Variants in TANGO6 observed in about 807,000 individuals in gnomAD.
The protein encoded by TANGO6 is transport and Golgi organization protein 6 homolog.
TANGO6 carries 90 observed loss-of-function variants against 114.2 expected under a neutral mutation model. The ratio of observed to expected loss-of-function variants is 0.79; its 90% CI spans 0.66 to 0.94. TANGO6 has a LOEUF of 0.94. Ranked by LOEUF, TANGO6 falls within the 40% of genes least tolerant of loss-of-function variation. The pLI, the probability that TANGO6 is intolerant of heterozygous loss-of-function variation, is 0.00. For synonymous variants in TANGO6, 477 were observed against 509.8 expected, an observed-to-expected ratio of 0.94 and a Z score of 0.87; for missense variants, 1,274 against 1,315.3, an observed-to-expected ratio of 0.97 and a Z score of 0.49.
At chr16:69,066,455 C>T (rs1259520546) in intron 17 of TANGO6, among the ~76,000 whole-genome samples, 2 of 152,024 alleles carry the variant, frequency 1.3e-5, no homozygotes, top group South Asian at 2.1e-4. Context: ...CCACAATGCC[C>T]GGCTAGTTTT....
intron 17 of TANGO6, among the ~76,000 whole-genome samples, chr16:69,065,968 T>C (rs926645916): frequency 2.6e-5 from 4 of 152,194 alleles, no homozygotes; most frequent in Non-Finnish European, 5.9e-5. Flanking sequence ...CCCATTATCT[T>C]AGAGAGGCCA....
At chr16:68,923,108 C>T (rs1043821330) in intron 12 of TANGO6, among the ~76,000 whole-genome samples, 1 of 150,816 alleles carries the variant, frequency 6.6e-6, no homozygotes, top group East Asian at 1.9e-4. Context: ...CCACCACGCC[C>T]GGCTCATTTT....
chr16:68,849,971 CTTTTTTTTTTTT>C (rs560571416), intron 1 of TANGO6, among the ~76,000 whole-genome samples: 1 of 114,862 alleles, frequency 8.7e-6, no homozygotes, highest in African/African-American at 3.4e-5. Flanking sequence ...TCTAGCGGTT[CTTTTTTTTTTTT>C]TTTTTTTTGA....
intron 15 of TANGO6, among the ~76,000 whole-genome samples, chr16:69,002,484 G>A (rs9935285): frequency 0.085 from 12,970 of 152,054 alleles, 635 homozygotes; most frequent in African/African-American, 0.12. Flanking sequence ...TTAAGTGAGT[G>A]AGTTCTCTTA....
chr16:69,072,454 G>T (rs1437766904), intron 17 of TANGO6, among the ~76,000 whole-genome samples: 2 of 151,988 alleles, frequency 1.3e-5, no homozygotes, highest in Admixed American at 6.6e-5. Context: ...TTCCGCTGTG[G>T]GATTGCCTAT....
chr16:68,937,315 G>A (rs2039136192), intron 14 of TANGO6: 1 of 152,160 alleles, frequency 6.6e-6, no homozygotes, highest in African/African-American at 2.4e-5. Context: ...TTTAGAGAAT[G>A]TCTCTCATAT....
At chr16:68,920,452 A>G (rs1027676207) in intron 12 of TANGO6, among the ~76,000 whole-genome samples, 6 of 152,230 alleles carry the variant, frequency 3.9e-5, no homozygotes, top group Non-Finnish European at 7.3e-5. Context: ...GCATGCCTGC[A>G]AGGACAAAAG....
intron 14 of TANGO6, among the ~76,000 whole-genome samples, chr16:68,970,891 C>T (rs1212553442): frequency 1.3e-5 from 2 of 152,138 alleles, no homozygotes; most frequent in Non-Finnish European, 2.9e-5. Flanking sequence ...GGCGCAGTGG[C>T]TCACGCCTGT....
chr16:68,900,617 T>C (rs1157073532), intron 8 of TANGO6, 71 bp downstream of exon 8: 1 of 1,253,068 alleles, frequency 8.0e-7, no homozygotes, highest in Non-Finnish European at 1.1e-6. Flanking sequence ...TTTGTTCTTA[T>C]TTTGAATTTA....
chr16:68,909,167 G>T lies in TANGO6; in HGVS notation c.1801-44G>T, dbSNP rs532500519. The T allele has an allele frequency of 2.9e-6, 4 of 1,388,066 alleles. No individual in the cohort carries two copies. The African/African-American group carries it at 5.9e-5, about 20-fold the overall frequency. 86.0% of individuals were successfully genotyped at this position (1,388,066 alleles called of 1,614,324 possible). A position where few individuals can be genotyped will look rare whatever the true frequency, so the allele number is the denominator to read the frequency against. ...GCTTATGTTTGAGAAGGCCTTAGTT[G>T]TACTGGCTTTATCTTCACTTTTTCT... is the stretch of plus-strand genomic sequence containing the variant. On this transcript the variant is annotated intron_variant, in intron 10 of 17. Transcript: ENST00000261778.
chr16:69,005,336 G>T (rs1964082740), intron 15 of TANGO6, among the ~76,000 whole-genome samples: 1 of 152,178 alleles, frequency 6.6e-6, no homozygotes, highest in African/African-American at 2.4e-5. Flanking sequence ...TCAGAGAGAA[G>T]GGGTGACAGG....
intron 17 of TANGO6, among the ~76,000 whole-genome samples, chr16:69,054,936 G>A (rs1388296116): frequency 2.4e-4 from 21 of 86,674 alleles, no homozygotes; most frequent in Non-Finnish European, 3.5e-4. Flanking sequence ...GCGAGACTCC[G>A]TCTCAAAAAA....
At chr16:68,959,278 A>G (rs1055859552) in intron 14 of TANGO6, among the ~76,000 whole-genome samples, 4 of 152,146 alleles carry the variant, frequency 2.6e-5, no homozygotes, top group Admixed American at 2.6e-4. Flanking sequence ...TCATCAAGAC[A>G]TCTGTTAGGG....
At chr16:68,889,647 G>C (rs1962584388) in intron 7 of TANGO6, among the ~76,000 whole-genome samples, 1 of 152,110 alleles carries the variant, frequency 6.6e-6, no homozygotes, top group Non-Finnish European at 1.5e-5. Flanking sequence ...TATCTTCAAG[G>C]CTGTGGGAAT....
At chr16:68,941,942 A>AC (rs999772780) in intron 14 of TANGO6, among the ~76,000 whole-genome samples, 31 of 151,780 alleles carry the variant, frequency 2.0e-4, no homozygotes, top group African/African-American at 4.8e-4. Context: ...ACATAGGAAG[A>AC]CCCCCCATCT....
chr16:68,902,515 C>T lies in TANGO6; in HGVS notation c.1667+11C>T. 1 of 1,599,650 alleles carries T rather than the reference C, an allele frequency of 6.3e-7. No homozygotes were observed. The highest frequency in any genetic ancestry group is 8.5e-7 in the Non-Finnish European group (1 of 1,174,042). On this transcript the variant is annotated intron_variant, in intron 9 of 17. Coordinates refer to ENST00000261778, the MANE Select transcript of TANGO6 (RefSeq NM_024562.2). ...CAAAGAGGCCATTAGGTGAGTCCAC[C>T]CATCCGTTACTGTTCTCTTCAGATT...
At chr16:68,919,406 C>T (rs34379411) in intron 12 of TANGO6, among the ~76,000 whole-genome samples, 187 bp downstream of exon 12, 7,543 of 152,314 alleles carry the variant, frequency 0.05, 225 homozygotes, top group Non-Finnish European at 0.07. Context: ...ACCATTTCTA[C>T]TCTGTCACCT....
intron 15 of TANGO6, among the ~76,000 whole-genome samples, chr16:68,986,462 A>G (rs1447521044): frequency 1.3e-5 from 2 of 151,462 alleles, no homozygotes; most frequent in East Asian, 3.9e-4. Context: ...TGCTTTGTCA[A>G]CTCTTTTCCA....
intron 3 of TANGO6, among the ~76,000 whole-genome samples, chr16:68,865,389 A>T (rs1962160830): frequency 6.6e-6 from 1 of 152,176 alleles, no homozygotes; most frequent in Non-Finnish European, 1.5e-5. Flanking sequence ...AGGCCTCTGA[A>T]AAGTACCCAA....
Sources: allele counts gnomAD v4.1 joint callset (sites outside exome capture counted in the v4.1 genomes callset), GRCh38; gene constraint gnomAD v4.1.1; transcripts MANE v1.5; gene names NCBI Gene and HGNC (gene_info 2026-07-23, HGNC 2026-07-21).